RBMS3: variants seen among roughly 807,000 people sequenced by gnomAD.
RBMS3 encodes the protein RNA-binding motif, single-stranded-interacting protein 3.
In RBMS3, 27 loss-of-function variants were observed where a neutral mutation model predicts 66.8. That is an observed-to-expected ratio of 0.40 (90% CI 0.30 to 0.56). The LOEUF (loss-of-function observed/expected upper bound fraction) is 0.56, where lower values mean the gene tolerates loss of function less well. Among genes scored for constraint, RBMS3 ranks in the 20% least tolerant of loss-of-function variants. The pLI is 0.40. For synonymous variants in RBMS3, 188 were observed against 183.0 expected, an observed-to-expected ratio of 1.03 and a Z score of -0.22; for missense variants, 513 against 549.5, an observed-to-expected ratio of 0.93 and a Z score of 0.66.
intron 6 of RBMS3, among the ~76,000 whole-genome samples, chr3:29,827,250 T>C (rs1312356885): frequency 2.0e-5 from 3 of 152,166 alleles, no homozygotes; most frequent in Non-Finnish European, 4.4e-5. Flanking sequence ...TATGGATGCA[T>C]TCTAATTTGA....
At chr3:29,366,577 G>T (rs147496702) in intron 1 of RBMS3, among the ~76,000 whole-genome samples, 3 of 151,894 alleles carry the variant, frequency 2.0e-5, no homozygotes, top group East Asian at 3.9e-4. Flanking sequence ...TAAAGACATG[G>T]TCTCACCATG....
At chr3:29,672,830 G>A (rs968516496) in intron 4 of RBMS3, among the ~76,000 whole-genome samples, 1 of 151,998 alleles carries the variant, frequency 6.6e-6, no homozygotes, top group South Asian at 2.1e-4. Flanking sequence ...ACACAATAAT[G>A]GGAGACTTTA....
chr3:29,969,836 A>T (rs1474303176), intron 12 of RBMS3, among the ~76,000 whole-genome samples: 1 of 152,224 alleles, frequency 6.6e-6, no homozygotes, highest in East Asian at 1.9e-4. Context: ...AAATGCAAAT[A>T]GAAGTTCACC....
chr3:29,354,543 T>C (rs1210059264), intron 1 of RBMS3, among the ~76,000 whole-genome samples: 1 of 152,102 alleles, frequency 6.6e-6, no homozygotes, highest in Non-Finnish European at 1.5e-5. Flanking sequence ...TTCTTGACTA[T>C]TTGTATCCAT....
At chr3:29,421,342 G>T (rs2040726016) in intron 1 of RBMS3, among the ~76,000 whole-genome samples, 2 of 151,790 alleles carry the variant, frequency 1.3e-5, no homozygotes, top group South Asian at 4.2e-4. Flanking sequence ...AAATTCGGGA[G>T]ATAATTAAAC....
chr3:29,379,247 C>T (rs758404353), intron 1 of RBMS3, among the ~76,000 whole-genome samples: 55 of 152,268 alleles, frequency 3.6e-4, no homozygotes, highest in Middle Eastern at 6.8e-3. Flanking sequence ...ATTATTCTAA[C>T]CTCTTTCACC....
intron 6 of RBMS3, among the ~76,000 whole-genome samples, chr3:29,782,997 T>A (rs993481462): frequency 6.6e-6 from 1 of 151,728 alleles, no homozygotes; most frequent in Non-Finnish European, 1.5e-5. Context: ...AAAAAGAATT[T>A]AAAAAAAAGA....
intron 14 of RBMS3, among the ~76,000 whole-genome samples, chr3:30,000,512 C>T (rs1699546661): frequency 6.6e-6 from 1 of 152,038 alleles, no homozygotes; most frequent in South Asian, 2.1e-4. Context: ...CCAGAAATAC[C>T]ATTTGACCCA....
chr3:29,343,816 A>T (rs1286340645), intron 1 of RBMS3, among the ~76,000 whole-genome samples: 1 of 152,214 alleles, frequency 6.6e-6, no homozygotes, highest in East Asian at 1.9e-4. Flanking sequence ...CAGAGACAGA[A>T]TTTGAACTAA....
chr3:29,349,693 G>C (rs1314704484), intron 1 of RBMS3, among the ~76,000 whole-genome samples: 1 of 152,140 alleles, frequency 6.6e-6, no homozygotes, highest in African/African-American at 2.4e-5. Flanking sequence ...AAATGGTATT[G>C]TATCGTGTGT....
intron 14 of RBMS3, among the ~76,000 whole-genome samples, chr3:29,998,359 C>G (rs994942673): frequency 5.9e-5 from 9 of 152,234 alleles, no homozygotes; most frequent in Non-Finnish European, 8.8e-5. Flanking sequence ...TTGATAGATT[C>G]AATGCCATCC....
At chr3:29,883,059 GA>G (rs951586663) in intron 7 of RBMS3, among the ~76,000 whole-genome samples, 7 of 150,248 alleles carry the variant, frequency 4.7e-5, no homozygotes, top group Non-Finnish European at 8.9e-5. Context: ...TTCGAAAAAA[GA>G]AAAAAAAATC....
intron 4 of RBMS3, among the ~76,000 whole-genome samples, chr3:29,629,173 C>A (rs1161418389): frequency 6.6e-6 from 1 of 152,100 alleles, no homozygotes; most frequent in Admixed American, 6.6e-5. Flanking sequence ...AAGTAATTTA[C>A]ATCCTAATGA....
chr3:29,593,131 T>A (rs1324576089), intron 4 of RBMS3, among the ~76,000 whole-genome samples: 1 of 152,034 alleles, frequency 6.6e-6, no homozygotes, highest in African/African-American at 2.4e-5. Flanking sequence ...AACCTGCACG[T>A]TGTGCACATG....
chr3:29,691,945 C>T (rs2052030210), intron 4 of RBMS3, among the ~76,000 whole-genome samples: 2 of 55,750 alleles, frequency 3.6e-5, no homozygotes, highest in Non-Finnish European at 7.8e-5. Context: ...CTCTCTCTCT[C>T]TCTATTTTTT....
intron 2 of RBMS3, among the ~76,000 whole-genome samples, chr3:29,478,478 A>G (rs2043023928): frequency 1.3e-5 from 2 of 152,054 alleles, no homozygotes; most frequent in African/African-American, 4.8e-5. Flanking sequence ...CTCATGACCT[A>G]ATCACCTCCC....
intron 3 of RBMS3, among the ~76,000 whole-genome samples, chr3:29,497,262 A>G (rs1274578383): frequency 2.6e-5 from 4 of 151,978 alleles, no homozygotes; most frequent in East Asian, 1.9e-4. Context: ...GCCCGCCTCA[A>G]CCTCCCAAAT....
chr3:29,923,485 A>G (rs1170863009), intron 10 of RBMS3, among the ~76,000 whole-genome samples: 1 of 152,232 alleles, frequency 6.6e-6, no homozygotes, highest in East Asian at 1.9e-4. Flanking sequence ...TTGCTCTTGC[A>G]TGAAATAAAG....
At chr3:29,923,364 A>G (rs1015300802) in intron 10 of RBMS3, among the ~76,000 whole-genome samples, 2 of 152,240 alleles carry the variant, frequency 1.3e-5, no homozygotes, top group Non-Finnish European at 2.9e-5. Context: ...CACAATAGGG[A>G]TAAGCAAAAA....
Sources: gnomAD v4.1 joint callset for allele counts (sites outside exome capture counted in the v4.1 genomes callset) on GRCh38, gnomAD v4.1.1 for gene constraint, MANE v1.5 for transcripts, NCBI Gene and HGNC (gene_info 2026-07-23, HGNC 2026-07-21) for gene names.